SLC6A19: variants seen among roughly 807,000 people sequenced by gnomAD.
The protein encoded by SLC6A19 is sodium-dependent neutral amino acid transporter B(0)AT1.
SLC6A19 carries 67 observed loss-of-function variants against 68.3 expected under a neutral mutation model. The observed-to-expected ratio is 0.98, with a 90% confidence interval of 0.81 to 1.20. The LOEUF (loss-of-function observed/expected upper bound fraction) is 1.20, where lower values mean the gene tolerates loss of function less well. Among genes scored for constraint, SLC6A19 ranks in the 50% most tolerant of loss-of-function variants. The pLI is 0.00. For synonymous variants in SLC6A19, 392 were observed against 374.9 expected (o/e 1.05, Z -0.53); for missense variants, 813 against 851.6 (o/e 0.95, Z 0.56).
At position 1,214,155 on chromosome 5, in the gene SLC6A19, T is replaced by C. The variant is rs535751222; in HGVS notation, c.887+90T>C. On this transcript the variant is annotated intron_variant, in intron 6 of 11. Transcript: ENST00000304460. This position sits in a 1 kb window ranked among gnomAD's most constrained non-coding sequence, Gnocchi z 7.4. ...AAAAGACAAGGTGGAAAGCACTCTG[T>C]GGCTGTGTGGCCGGGGCCTTGCTGC... 2 of 1,586,936 alleles carry C rather than the reference T, an allele frequency of 1.3e-6. No homozygotes were observed. Among genetic ancestry groups the C allele is most frequent in the East Asian group, 2.3e-5 (1 of 43,588 alleles).
intron 5 of SLC6A19, 80 bp downstream of exon 5, chr5:1,213,653 C>G: frequency 7.4e-7 from 1 of 1,360,238 alleles, no homozygotes; most frequent in South Asian, 1.2e-5. Context: ...TCAATACCAG[C>G]TCTCACCCAC....
Position 1,221,178 on chromosome 5 carries a change from C to T in SLC6A19, c.1566C>T (p.Ile522=), listed in dbSNP as rs1317244914. Residue 522 remains isoleucine, a synonymous_variant, in exon 11 of 12, where the codon ATC becomes ATT. Transcript: ENST00000304460. ...TCAATAAGGACATCGAGTTCATGAT[C>T]GGCCACAAGCCCAACATCTTCTGGC... The part of the protein sequence containing the change: ...DRFNKDIEFM[I]GHKPNIFWQV... 1.9e-5 allele frequency: 31 copies of T among 1,613,860 alleles called. No homozygotes were observed. Among genetic ancestry groups the T allele is most frequent in the Admixed American group, 5.0e-5 (3 of 59,960 alleles).
Position 1,208,891 on chromosome 5 carries a change from G to A in SLC6A19, c.343+5G>A. On this transcript the variant is annotated splice_donor_5th_base_variant and intron_variant, in intron 2 of 11. Transcript: ENST00000304460. ...ACCCGGCCCTGAAGGGCCTAGGTGA[G>A]TGCCTCGGAGCAGTTCCACCCGGGC... The A allele has an allele frequency of 5.0e-6, 8 of 1,611,038 alleles. No homozygotes were observed. The highest frequency in any genetic ancestry group is 6.8e-6 in the Non-Finnish European group (8 of 1,179,582).
In SLC6A19 at chr5:1,222,117, A is replaced by G. The variant is rs1453875300; in HGVS notation, c.*213A>G. 3.2e-6 allele frequency: 2 copies of G among 616,846 alleles called. No individual in the cohort carries two copies. The highest frequency in any genetic ancestry group is 2.7e-5 in the East Asian group (1 of 36,402). 38.2% of individuals were successfully genotyped at this position (616,846 alleles called of 1,614,324 possible). On this transcript the variant is annotated 3_prime_UTR_variant, in exon 12 of 12. Coordinates refer to ENST00000304460, the MANE Select transcript of SLC6A19 (RefSeq NM_001003841.3). ...GGGCACTGTGTGAGTGTGCACGTGT[A>G]TGCACACATATACATGTGTGTGGGT...
At position 1,221,887 on chromosome 5, in the gene SLC6A19, G is replaced by A. The variant is rs1298382357; in HGVS notation, c.1888G>A (p.Gly630Arg). 21 of 1,613,980 alleles carry A rather than the reference G, an allele frequency of 1.3e-5. 1 individual carries two copies. Among genetic ancestry groups the A allele is most frequent in the Admixed American group, 6.7e-5 (4 of 60,006 alleles). Reference protein sequence around the residue: ...VSTLSTASMNGDLKY With the variant: ...VSTLSTASMNRDLKY ...CACACTGTCCACAGCCTCCATGAAC[G>A]GGGACCTGAAGTACTGAGAAGGCCC... Residue 630 changes from glycine (G) to arginine (R), a missense_variant, in exon 12 of 12, where the codon GGG becomes AGG. By Grantham distance (125) the Gly-to-Arg change is moderately radical. Coordinates refer to ENST00000304460, the MANE Select transcript of SLC6A19 (RefSeq NM_001003841.3).
chr5:1,210,489 A>G lies in SLC6A19; in HGVS notation c.389A>G (p.Asn130Ser). 6.2e-7 allele frequency: 1 copy of G among 1,613,434 alleles called. No individual in the cohort carries two copies. Among genetic ancestry groups the G allele is most frequent in the Non-Finnish European group, 8.5e-7 (1 of 1,179,996 alleles). Residue 130 changes from asparagine to serine, a missense_variant, in exon 3 of 12, where the codon AAC (asparagine) becomes AGC (serine). Transcript: ENST00000304460. Reference sequence around the variant, plus strand: ...TCCTTCATGGTGGGACTGTATTACAACACCATCATCTCCTGGATCATGTGG... The same window carrying G: ...TCCTTCATGGTGGGACTGTATTACAGCACCATCATCTCCTGGATCATGTGG... ...LTSFMVGLYY[N>S]TIISWIMWYL...
chr5:1,210,730 A>G, intron 3 of SLC6A19, 149 bp downstream of exon 3: 3 of 1,170,186 alleles, frequency 2.6e-6, no homozygotes, highest in Non-Finnish European at 2.4e-6. Flanking sequence ...AGCACGAAAG[A>G]AAAGACCTTA....
chr5:1,219,077 C>T lies in SLC6A19; in HGVS notation c.1348C>T (p.Pro450Ser). The T allele has an allele frequency of 6.2e-7, 1 of 1,613,808 alleles. No homozygotes were observed. The highest frequency in any genetic ancestry group is 8.5e-7 in the Non-Finnish European group (1 of 1,179,916). ...VVPLQDLRVI[P>S]PKWPKEVLTG... ...GCCCCTGCAGGACCTCAGAGTCATC[C>T]CCCCGAAGTGGCCCAAGGAGGTGCT... The change falls in exon 9 of 12, where the codon CCC becomes TCC. Residue 450 changes from proline (P) to serine (S), a missense_variant. Coordinates refer to ENST00000304460, the MANE Select transcript of SLC6A19 (RefSeq NM_001003841.3).
In SLC6A19 at chr5:1,221,226, C is replaced by T. The variant is rs1746371739; in HGVS notation, c.1614C>T (p.Ser538=). The change falls in exon 11 of 12, where the codon AGC becomes AGT. Residue 538 remains serine (S), a synonymous_variant. Coordinates refer to ENST00000304460, the MANE Select transcript of SLC6A19 (RefSeq NM_001003841.3). The stretch of plus-strand genomic sequence containing the variant: ...GGCAAGTCACGTGGCGCGTGGTCAG[C>T]CCCCTGCTCATGCTGATCATCTTCC... ...IFWQVTWRVV[S]PLLMLIIFLF... The T allele has an allele frequency of 6.2e-7, 1 of 1,614,122 alleles. No homozygotes were observed. Among genetic ancestry groups the T allele is most frequent in the Non-Finnish European group, 8.5e-7 (1 of 1,180,016 alleles).
rs1224119687 is a variant in SLC6A19, at chr5:1,222,348, A to G, written c.*444A>G. 10 of 482,736 alleles carry G rather than the reference A, an allele frequency of 2.1e-5. No individual in the cohort carries two copies. The highest frequency in any genetic ancestry group is 1.2e-4 in the East Asian group (4 of 32,788). The allele number at this position is 482,736 out of a possible 1,614,324, so 29.9% of individuals were successfully genotyped here. On this transcript the variant is annotated 3_prime_UTR_variant, in exon 12 of 12. Transcript: ENST00000304460. ...TATGTGTGAACACACACGTGTATACATGCATGCACATGTGCTCGTACAATG... is the reference window on the plus strand; with the variant it reads ...TATGTGTGAACACACACGTGTATACGTGCATGCACATGTGCTCGTACAATG...
rs1313471770 is a variant in SLC6A19, at chr5:1,209,345, G to GGT, written c.343+460_343+461insTG. On this transcript the variant is annotated intron_variant, in intron 2 of 11. Transcript: ENST00000304460. This position sits in a 1 kb window ranked among gnomAD's most constrained non-coding sequence, Gnocchi z 5.5. ...CAGACCCAGTGCAGCCTCACCAAGA[G>GGT]GACACGGCTCATTAAGCCCTCAGAA... Among the ~76,000 whole-genome samples, 1 of 152,180 alleles carries GGT rather than the reference G, an allele frequency of 6.6e-6. No homozygotes were observed. Among genetic ancestry groups the GGT allele is most frequent in the Admixed American group, 6.5e-5 (1 of 15,282 alleles).
intron 1 of SLC6A19, among the ~76,000 whole-genome samples, chr5:1,208,466 T>C (rs759641770): frequency 6.6e-6 from 1 of 152,172 alleles, no homozygotes; most frequent in Non-Finnish European, 1.5e-5. Context: ...GCGTGAGGCA[T>C]GGACCACACC....
In SLC6A19 at chr5:1,214,151, TCTGTGG is replaced by T; in HGVS notation, c.887+92_887+97del. 3 of 1,592,230 alleles carry T rather than the reference TCTGTGG, an allele frequency of 1.9e-6. No homozygotes were observed. The highest frequency in any genetic ancestry group is 2.6e-6 in the Non-Finnish European group (3 of 1,169,848). On this transcript the variant is annotated intron_variant, in intron 6 of 11. Transcript: ENST00000304460. This position sits in a 1 kb window ranked among gnomAD's most constrained non-coding sequence, Gnocchi z 7.4. ...GGATAAAAGACAAGGTGGAAAGCAC[TCTGTGG>T]CTGTGTGGCCGGGGCCTTGCTGCCC...
Position 1,222,519 on chromosome 5 carries a change from G to A in SLC6A19, c.*615G>A. ...ATGCCTGTGTGACGTGTGTATATGTGAGCATGTGTACGTGTGTGTATACGT... is the reference window on the plus strand; with the variant it reads ...ATGCCTGTGTGACGTGTGTATATGTAAGCATGTGTACGTGTGTGTATACGT... On this transcript the variant is annotated 3_prime_UTR_variant, in exon 12 of 12. Coordinates refer to ENST00000304460, the MANE Select transcript of SLC6A19 (RefSeq NM_001003841.3). The A allele has an allele frequency of 2.4e-6, 1 of 413,980 alleles. No individual in the cohort carries two copies. The allele number at this position is 413,980 out of a possible 1,614,324, so 25.6% of individuals were successfully genotyped here.
chr5:1,212,096 C>T lies in SLC6A19; in HGVS notation c.482-207C>T, dbSNP rs760782372. Among the ~76,000 whole-genome samples, 4 of 145,006 alleles carry T rather than the reference C, an allele frequency of 2.8e-5. No homozygotes were observed. The highest frequency in any genetic ancestry group is 6.9e-5 in the Admixed American group (1 of 14,574). On this transcript the variant is annotated intron_variant, in intron 3 of 11. Transcript: ENST00000304460. The surrounding 1 kb of genome is among the most constrained non-coding windows in gnomAD (Gnocchi z 5.1). ...CAGGTGCATGGACCAGATGTGCACA[C>T]GAGGGTGTAGCTGTGCATGTGTGCT...
chr5:1,212,434 T>C lies in SLC6A19; in HGVS notation c.613T>C (p.Trp205Arg). The C allele has an allele frequency of 6.2e-7, 1 of 1,611,682 alleles. No homozygotes were observed. The highest frequency in any genetic ancestry group is 8.5e-7 in the Non-Finnish European group (1 of 1,179,886). ...WWMLLCLACAWSVLYMCTIRG... is the reference protein window; with the variant it reads ...WWMLLCLACARSVLYMCTIRG... Reference sequence around the variant, plus strand: ...GATGCTGCTGTGCCTGGCCTGCGCATGGAGCGTCCTGTACATGTGCACCAT... The same window carrying C: ...GATGCTGCTGTGCCTGGCCTGCGCACGGAGCGTCCTGTACATGTGCACCAT... Residue 205 changes from tryptophan to arginine, a missense_variant, in exon 4 of 12, where the codon TGG (tryptophan) becomes CGG (arginine). Coordinates refer to ENST00000304460, the MANE Select transcript of SLC6A19 (RefSeq NM_001003841.3). The surrounding 1 kb of genome is among the most constrained non-coding windows in gnomAD (Gnocchi z 5.1).
chr5:1,221,744 T>G lies in SLC6A19; in HGVS notation c.1745T>G (p.Val582Gly). ...KSQKISYPNWVYVVVVIVAGV... is the reference protein window; with the variant it reads ...KSQKISYPNWGYVVVVIVAGV... ...CAGAAGATCTCCTACCCGAACTGGG[T>G]GTATGTGGTGGTGGTGATTGTGGCT... The change falls in exon 12 of 12, where the codon GTG becomes GGG. Residue 582 changes from valine to glycine, a missense_variant. Physicochemically the swap from Val to Gly is moderately radical, Grantham distance 109 (BLOSUM62 -3). Coordinates refer to ENST00000304460, the MANE Select transcript of SLC6A19 (RefSeq NM_001003841.3). The G allele has an allele frequency of 6.2e-7, 1 of 1,613,962 alleles. No individual in the cohort carries two copies. Among genetic ancestry groups the G allele is most frequent in the Non-Finnish European group, 8.5e-7 (1 of 1,179,916 alleles).
chr5:1,221,965 T>C lies in SLC6A19; in HGVS notation c.*61T>C. 3 of 1,583,254 alleles carry C rather than the reference T, an allele frequency of 1.9e-6. No individual in the cohort carries two copies. The highest frequency in any genetic ancestry group is 2.7e-5 in the African/African-American group (2 of 74,234). On this transcript the variant is annotated 3_prime_UTR_variant, in exon 12 of 12. Coordinates refer to ENST00000304460, the MANE Select transcript of SLC6A19 (RefSeq NM_001003841.3). The stretch of plus-strand genomic sequence containing the variant: ...CAGGGAAGGAGGAACCAGCAAGACC[T>C]GTGGGGTGGGGGCCGGGCTGCACCT...
At position 1,213,983 on chromosome 5, in the gene SLC6A19, C is replaced by A. The variant is rs759968652; in HGVS notation, c.805C>A (p.Leu269Met). ...GGAGCTGGCCCAGCCGGACACCTGG[C>A]TGGACGCGGGCGCACAGGTCTTCTT... ...VTELAQPDTWLDAGAQVFFSF... is the reference protein window; with the variant it reads ...VTELAQPDTWMDAGAQVFFSF... The change falls in exon 6 of 12, where the codon CTG becomes ATG. Residue 269 changes from leucine (L) to methionine (M), a missense_variant. Physicochemically the swap from Leu to Met is conservative, Grantham distance 15. Coordinates refer to ENST00000304460, the MANE Select transcript of SLC6A19 (RefSeq NM_001003841.3). The A allele has an allele frequency of 2.5e-6, 4 of 1,613,580 alleles. No homozygotes were observed. The South Asian group carries it at 4.4e-5, about 18-fold the overall frequency.
Sources: allele counts gnomAD v4.1 joint callset (sites outside exome capture counted in the v4.1 genomes callset), GRCh38; gene constraint gnomAD v4.1.1; non-coding constraint Gnocchi (gnomAD v3.1); transcripts MANE v1.5; gene names NCBI Gene and HGNC (gene_info 2026-07-23, HGNC 2026-07-21).